Variants in DNAAF5 observed in about 807,000 individuals in gnomAD.
DNAAF5 encodes the protein HEAT repeat containing 2.
A neutral mutation model predicts 75.8 loss-of-function variants in DNAAF5; 64 were observed. That is an observed-to-expected ratio of 0.84 (90% CI 0.69 to 1.04). The LOEUF (loss-of-function observed/expected upper bound fraction) is 1.04, where lower values mean the gene tolerates loss of function less well. Among genes scored for constraint, DNAAF5 ranks in the 50% least tolerant of loss-of-function variants. DNAAF5 has a pLI of 0.00. For missense variants in DNAAF5, 1,269 were observed against 1,178.5 expected (o/e 1.08, Z -1.12); for synonymous variants, 657 against 557.2 (o/e 1.18, Z -2.52).
intron 9 of DNAAF5, 66 bp from the exon 10 acceptor site, chr7:773,982 A>G: frequency 6.3e-7 from 1 of 1,588,564 alleles, no homozygotes; most frequent in Non-Finnish European, 8.6e-7. Context: ...ATTCATCCCT[A>G]GTCTGAAACG....
At position 763,802 on chromosome 7, in the gene DNAAF5, C is replaced by T. The variant is rs1033978539; in HGVS notation, c.1615-4C>T. 2.5e-6 allele frequency: 4 copies of T among 1,613,124 alleles called. No individual in the cohort carries two copies. Among genetic ancestry groups the T allele is most frequent in the Non-Finnish European group, 3.4e-6 (4 of 1,179,938 alleles). On this transcript the variant is annotated splice_region_variant and splice_polypyrimidine_tract_variant and intron_variant, in intron 7 of 12. Transcript: ENST00000297440. ...TGTCTCAGTCTCTGACTTGTAACCT[C>T]CAGGCACAGGAGACGATGGACTCAC...
At chr7:784,247 C>G (rs1299791202) in intron 12 of DNAAF5, among the ~76,000 whole-genome samples, 1 of 152,202 alleles carries the variant, frequency 6.6e-6, no homozygotes, top group African/African-American at 2.4e-5. Context: ...ATGTGGGCCC[C>G]TCACTGCTCC....
intron 7 of DNAAF5, 64 bp from the exon 8 acceptor site, chr7:763,742 G>C: frequency 6.5e-7 from 1 of 1,549,456 alleles, no homozygotes; most frequent in Non-Finnish European, 8.8e-7. Flanking sequence ...GTGAGTCCCA[G>C]CAGGCAGGCA....
At chr7:730,802 C>A (rs1324380491) in intron 2 of DNAAF5, among the ~76,000 whole-genome samples, 1 of 88,568 alleles carries the variant, frequency 1.1e-5, no homozygotes, top group African/African-American at 3.9e-5. Context: ...CACCAGGAGC[C>A]TTTGTTCACC....
chr7:760,756 T>C (rs1318612079), intron 6 of DNAAF5, among the ~76,000 whole-genome samples: 1 of 152,250 alleles, frequency 6.6e-6, no homozygotes, highest in Non-Finnish European at 1.5e-5. Context: ...AGAGCCTGGC[T>C]GATTCACAGT....
intron 2 of DNAAF5, among the ~76,000 whole-genome samples, chr7:733,261 C>T (rs1781639080): frequency 6.6e-6 from 1 of 152,074 alleles, no homozygotes; most frequent in Admixed American, 6.5e-5. Flanking sequence ...GTTTTTTGCT[C>T]AGGATGGCTT....
chr7:766,135 C>G (rs1243131180), intron 8 of DNAAF5, among the ~76,000 whole-genome samples: 1 of 152,204 alleles, frequency 6.6e-6, no homozygotes, highest in African/African-American at 2.4e-5. Context: ...TGGTTTAAAA[C>G]TGCATTTCCC....
At chr7:756,679 G>C (rs890510351) in intron 5 of DNAAF5, 103 bp from the exon 6 acceptor site, 1 of 1,017,582 alleles carries the variant, frequency 9.8e-7, no homozygotes, top group Non-Finnish European at 1.5e-6. Flanking sequence ...ACGGGGCTCT[G>C]TCTGGTGCAC....
chr7:778,217 CAG>C (rs1329085185), intron 11 of DNAAF5: 2 of 152,324 alleles, frequency 1.3e-5, no homozygotes, highest in African/African-American at 2.4e-5. Context: ...CTTTTTAAAA[CAG>C]GAGCTGGCGG....
In DNAAF5 at chr7:763,654, C is replaced by A. The variant is rs940224202; in HGVS notation, c.1615-152C>A. The A allele has an allele frequency of 9.4e-5, 77 of 821,756 alleles. No individual in the cohort carries two copies. The African/African-American group carries it at 1.2e-3, about 13-fold the overall frequency. 50.9% of individuals were successfully genotyped at this position (821,756 alleles called of 1,614,324 possible). A position where few individuals can be genotyped will look rare whatever the true frequency, so the allele number is the denominator to read the frequency against. ...GGCTCTCGCTCTCCTGCACCCTGGG[C>A]GGGGCTCCCTGTGGCAGCCTCCCTC... On this transcript the variant is annotated intron_variant, in intron 7 of 12. Transcript: ENST00000297440.
rs778381553 is a variant in DNAAF5 at position 761,909 on chromosome 7, G to C, written c.1614+13G>C. ...CCTGAGGGACAAGGTAAGGCTGACA[G>C]TGGTGGCTGCTGCTTGACCTAGCGG... On this transcript the variant is annotated intron_variant, in intron 7 of 12. Coordinates refer to ENST00000297440, the MANE Select transcript of DNAAF5 (RefSeq NM_017802.4). 1.3e-6 allele frequency: 2 copies of C among 1,561,890 alleles called. No homozygotes were observed. Among genetic ancestry groups the C allele is most frequent in the Non-Finnish European group, 1.7e-6 (2 of 1,153,856 alleles).
rs1255581385 is a variant in DNAAF5, at chr7:785,586, A to G, written c.2501A>G (p.Lys834Arg). ...LVRETEAVIH[K>R]HRSATYCEQL... ...AGGGAGACGGAGGCCGTCATCCACA[A>G]GCACCGCTCGGCCACCTACTGCGAG... Residue 834 changes from lysine to arginine, a missense_variant, in exon 13 of 13, where the codon AAG becomes AGG. Coordinates refer to ENST00000297440, the MANE Select transcript of DNAAF5 (RefSeq NM_017802.4). The G allele has an allele frequency of 1.9e-6, 3 of 1,613,344 alleles. No homozygotes were observed. Among genetic ancestry groups the G allele is most frequent in the East Asian group, 2.2e-5 (1 of 44,880 alleles).
chr7:785,388 A>C (rs1779114414), intron 12 of DNAAF5, 129 bp from the exon 13 acceptor site: 1 of 991,912 alleles, frequency 1.0e-6, no homozygotes, highest in South Asian at 1.5e-5. Flanking sequence ...ATGTCCACCC[A>C]GCAGCGTCAG....
At chr7:771,367 G>T (rs1317220338) in intron 9 of DNAAF5, 4 of 152,312 alleles carry the variant, frequency 2.6e-5, no homozygotes, top group Non-Finnish European at 5.9e-5. Flanking sequence ...CACTTACTTT[G>T]CTCAGAGCAA....
In DNAAF5 at chr7:754,942, GC is replaced by G; in HGVS notation, c.1257+123del. On this transcript the variant is annotated intron_variant, in intron 5 of 12. Transcript: ENST00000297440. This position sits in a 1 kb window ranked among gnomAD's most constrained non-coding sequence, Gnocchi z 4.8. ...AAGACAGCGTTCCCCTCACCCCCGG[GC>G]CGCAGGCCCTCCCCACACCCAGCCC... 1 of 708,120 alleles carries G rather than the reference GC, an allele frequency of 1.4e-6. No individual in the cohort carries two copies. Among genetic ancestry groups the G allele is most frequent in the Non-Finnish European group, 2.3e-6 (1 of 434,620 alleles). The allele number at this position is 708,120 out of a possible 1,614,324, so 43.9% of individuals were successfully genotyped here.
chr7:768,804 G>A (rs990253196), intron 8 of DNAAF5: 3 of 258,578 alleles, frequency 1.2e-5, no homozygotes, highest in Admixed American at 4.7e-5. Flanking sequence ...TTGACCTGTG[G>A]ACATTTGGCT....
intron 10 of DNAAF5, among the ~76,000 whole-genome samples, chr7:774,534 G>C (rs1317915366): frequency 6.9e-6 from 1 of 145,942 alleles, no homozygotes. Flanking sequence ...CAGGATCCAG[G>C]CCAGAGGACG....
At chr7:751,559 AGTT>A (rs1583492424) in intron 4 of DNAAF5, among the ~76,000 whole-genome samples, 1 of 144,028 alleles carries the variant, frequency 6.9e-6, no homozygotes, top group African/African-American at 2.6e-5. Context: ...CTATCTTTAC[AGTT>A]GTTCTGAATT....
Position 785,799 on chromosome 7 carries a change from C to T in DNAAF5, c.*146C>T, listed in dbSNP as rs1056293665. The T allele has an allele frequency of 4.8e-6, 4 of 830,728 alleles. No individual in the cohort carries two copies. The Admixed American group carries it at 9.1e-5, about 19-fold the overall frequency. The allele number at this position is 830,728 out of a possible 1,614,324, so 51.5% of individuals were successfully genotyped here. A position where few individuals can be genotyped will look rare whatever the true frequency, so the allele number is the denominator to read the frequency against. On this transcript the variant is annotated 3_prime_UTR_variant, in exon 13 of 13. Transcript: ENST00000297440. ...TCCTCAGGACACCTGCCCACTCTTT[C>T]CCTGGAATAACAGCCTCTGAGTGGA...
Sources: allele counts gnomAD v4.1 joint callset (sites outside exome capture counted in the v4.1 genomes callset), GRCh38; gene constraint gnomAD v4.1.1; non-coding constraint Gnocchi (gnomAD v3.1); transcripts MANE v1.5; gene names NCBI Gene and HGNC (gene_info 2026-07-23, HGNC 2026-07-21).